Variants in USP2 observed in about 807,000 individuals in gnomAD.
USP2 encodes the protein ubiquitin specific peptidase 2.
USP2 carries 33 observed loss-of-function variants against 72.0 expected under a neutral mutation model. The observed-to-expected ratio is 0.46, with a 90% confidence interval of 0.35 to 0.61. The LOEUF is 0.61. USP2 is among the 20% of genes least tolerant of loss of function. The pLI is 0.01. For synonymous variants in USP2, 296 were observed against 312.5 expected (o/e 0.95, Z 0.56); for missense variants, 691 against 797.8 (o/e 0.87, Z 1.61).
At chr11:119,369,284 T>C (rs1459012153) in intron 2 of USP2, among the ~76,000 whole-genome samples, 6 of 151,102 alleles carry the variant, frequency 4.0e-5, no homozygotes, top group African/African-American at 1.5e-4. Context: ...TGGCGCCCCC[T>C]GCCACCCGCC....
chr11:119,371,991 G>T (rs1386680705), intron 2 of USP2, among the ~76,000 whole-genome samples: 1 of 152,192 alleles, frequency 6.6e-6, no homozygotes, highest in Non-Finnish European at 1.5e-5. Flanking sequence ...TGCCCCAAGA[G>T]AGGCGTGTGC....
At chr11:119,358,901 A>G (rs1173143862) in intron 6 of USP2, 64 bp from the exon 7 acceptor site, 3 of 1,596,830 alleles carry the variant, frequency 1.9e-6, no homozygotes, top group East Asian at 2.2e-5. Context: ...GGGTCTGTCA[A>G]TTTTGATCCT....
Position 119,358,829 on chromosome 11 carries a change from T to C in USP2, c.1181A>G (p.Glu394Gly), listed in dbSNP as rs1462815730. 6.2e-7 allele frequency: 1 copy of C among 1,614,090 alleles called. No individual in the cohort carries two copies. Among genetic ancestry groups the C allele is most frequent in the Non-Finnish European group, 8.5e-7 (1 of 1,180,044 alleles). Residue 394 changes from glutamate (E) to glycine (G), a missense_variant, in exon 7 of 13, where the codon GAG (glutamate) becomes GGG (glycine). Glu to Gly is a moderately conservative substitution (Grantham distance 98). Coordinates refer to ENST00000260187, the MANE Select transcript of USP2 (RefSeq NM_004205.5). ...TTTTCTCCACATCTGTCGGCCTTTCTCGTCATCACTGGGAACCAGAGAGAG... is the reference window on the plus strand; with the variant it reads ...TTTTCTCCACATCTGTCGGCCTTTCCCGTCATCACTGGGAACCAGAGAGAG... ...PENLDHLPDD[E>G]KGRQMWRKYL... is the part of the protein sequence containing the mutation.
chr11:119,376,059 C>T (rs558331615), intron 1 of USP2, among the ~76,000 whole-genome samples: 102 of 152,350 alleles, frequency 6.7e-4, no homozygotes, highest in African/African-American at 2.3e-3. Flanking sequence ...AGCTGCCTCT[C>T]GGCTCTGACT....
chr11:119,360,047 C>T (rs1257518733), intron 3 of USP2, 137 bp downstream of exon 3: 1 of 1,100,434 alleles, frequency 9.1e-7, no homozygotes, highest in East Asian at 2.6e-5. Context: ...CTGTGAAACA[C>T]CAGCCAGGAA....
chr11:119,359,304 G>A lies in USP2; in HGVS notation c.988C>T (p.Pro330Ser). 1.9e-6 allele frequency: 3 copies of A among 1,613,986 alleles called. No individual in the cohort carries two copies. The highest frequency in any genetic ancestry group is 1.7e-6 in the Non-Finnish European group (2 of 1,180,028). ...TCAGATGGGCTCACCACATCATTGG[G>A]GGATGAAGTCCATATGGTCTGAATT... ...KLIQTIWTSS[P>S]NDVVSPSEFK... The change falls in exon 5 of 13, where the codon CCC becomes TCC. Residue 330 changes from proline (P) to serine (S), a missense_variant. Physicochemically the swap from Pro to Ser is moderately conservative, Grantham distance 74. Coordinates refer to ENST00000260187, the MANE Select transcript of USP2 (RefSeq NM_004205.5).
At chr11:119,374,344 C>G (rs528865616) in intron 1 of USP2, among the ~76,000 whole-genome samples, 1 of 152,368 alleles carries the variant, frequency 6.6e-6, no homozygotes, top group South Asian at 2.1e-4. Flanking sequence ...GGGCCCCCTA[C>G]AGTCCCAAAT....
chr11:119,360,346 A>G, intron 2 of USP2, 112 bp from the exon 3 acceptor site: 1 of 1,068,432 alleles, frequency 9.4e-7, no homozygotes, highest in Non-Finnish European at 1.4e-6. Flanking sequence ...GGCCACACAT[A>G]ATATTCTTTC....
rs200712490 is a variant in USP2, at chr11:119,373,168, T to C, written c.313A>G (p.Ser105Gly). 1 of 1,614,148 alleles carries C rather than the reference T, an allele frequency of 6.2e-7. No homozygotes were observed. Among genetic ancestry groups the C allele is most frequent in the Non-Finnish European group, 8.5e-7 (1 of 1,180,032 alleles). ...AATCCGCTGCCCCCGCTGAGGCCAC[T>C]GCCTAAAGGCCGCTCAGTACCCCGG... The part of the protein sequence containing the change: ...QTRGTERPLG[S>G]GLSGGSGFPY... The change falls in exon 2 of 13, where the codon AGT becomes GGT. Residue 105 changes from serine (S) to glycine (G), a missense_variant. Transcript: ENST00000260187.
intron 2 of USP2, among the ~76,000 whole-genome samples, chr11:119,364,493 C>T (rs1039744287): frequency 6.6e-6 from 1 of 152,184 alleles, no homozygotes; most frequent in Non-Finnish European, 1.5e-5. Flanking sequence ...TCTTTGGGGC[C>T]CGCAGAGGAC....
chr11:119,365,893 G>T (rs58651040), intron 2 of USP2, among the ~76,000 whole-genome samples: 2,081 of 131,338 alleles, frequency 0.016, 62 homozygotes, highest in African/African-American at 0.054. Flanking sequence ...TATTTTATTT[G>T]TTTTGTTTTT....
At chr11:119,364,609 T>C (rs1477050864) in intron 2 of USP2, among the ~76,000 whole-genome samples, 1 of 152,214 alleles carries the variant, frequency 6.6e-6, no homozygotes, top group Non-Finnish European at 1.5e-5. Context: ...TGATGAAAGC[T>C]CTTCTCTCTT....
Position 119,373,522 on chromosome 11 carries a change from C to T in USP2, c.-41-1G>A. The T allele has an allele frequency of 6.5e-7, 1 of 1,528,346 alleles. No homozygotes were observed. Among genetic ancestry groups the T allele is most frequent in the Non-Finnish European group, 8.7e-7 (1 of 1,145,290 alleles). The allele number at this position is 1,528,346 out of a possible 1,614,324, so 94.7% of individuals were successfully genotyped here. On this transcript the variant is annotated splice_acceptor_variant, in intron 1 of 12. Coordinates refer to ENST00000260187, the MANE Select transcript of USP2 (RefSeq NM_004205.5). LOFTEE classifies it low-confidence loss of function (5UTR_SPLICE). ...CAGTGGGGACTGGGAGCCTCATGGG[C>T]TGAAAGACAAGGAGTGTAGTTGTCA...
chr11:119,358,682 C>G lies in USP2; in HGVS notation c.1237+91G>C, dbSNP rs1051399758. The G allele has an allele frequency of 2.7e-6, 4 of 1,470,236 alleles. No homozygotes were observed. In the Admixed American group the frequency reaches 6.7e-5, roughly 25 times the overall value. The allele number at this position is 1,470,236 out of a possible 1,614,324, so 91.1% of individuals were successfully genotyped here. On this transcript the variant is annotated intron_variant, in intron 7 of 12. Coordinates refer to ENST00000260187, the MANE Select transcript of USP2 (RefSeq NM_004205.5). ...TGAACACTAGGCAGAAACAGGCTTC[C>G]CCGGGAGAGTGATTCTTAGGGCTTT...
At chr11:119,357,360 C>T (rs1950683916) in intron 11 of USP2, 53 bp from the exon 12 acceptor site, 9 of 1,610,682 alleles carry the variant, frequency 5.6e-6, no homozygotes, top group Admixed American at 1.7e-5. Context: ...CCGACTTCCC[C>T]CCTCCAACCT....
chr11:119,373,643 G>T, intron 1 of USP2, 122 bp from the exon 2 acceptor site: 1 of 996,516 alleles, frequency 1.0e-6, no homozygotes, highest in Non-Finnish European at 1.4e-6. Context: ...ACAAGAGGCA[G>T]GCTGGCTGCT....
At position 119,358,831 on chromosome 11, in the gene USP2, G is replaced by A. The variant is rs757870112; in HGVS notation, c.1179C>T (p.Asp393=). ...TTCTCCACATCTGTCGGCCTTTCTC[G>A]TCATCACTGGGAACCAGAGAGAGAC... ...NPENLDHLPD[D]EKGRQMWRKY... The change falls in exon 7 of 13, where the codon GAC becomes GAT. Residue 393 remains aspartate (D), a synonymous_variant. Coordinates refer to ENST00000260187, the MANE Select transcript of USP2 (RefSeq NM_004205.5). 1.3e-5 allele frequency: 21 copies of A among 1,613,870 alleles called. No individual in the cohort carries two copies. The highest frequency in any genetic ancestry group is 1.6e-4 in the Middle Eastern group (1 of 6,082).
In USP2 at chr11:119,381,163, T is replaced by G. The variant is rs370693896; in HGVS notation, c.-42+310A>C. 1.3e-3 allele frequency among the ~76,000 whole-genome samples: 190 copies of G among 150,046 alleles called. 3 individuals are homozygous for G. The highest frequency in any genetic ancestry group is 6.8e-3 in the Middle Eastern group (2 of 294). On this transcript the variant is annotated intron_variant, in intron 1 of 12. Coordinates refer to ENST00000260187, the MANE Select transcript of USP2 (RefSeq NM_004205.5). ...GCTGCACGCACACGTGGGGAGGGGG[T>G]TTGTCAGTGTCGCTCAGGCCACATA...
At chr11:119,370,859 G>C (rs557083310) in intron 2 of USP2, among the ~76,000 whole-genome samples, 3 of 152,216 alleles carry the variant, frequency 2.0e-5, no homozygotes, top group Admixed American at 1.3e-4. Flanking sequence ...CTGGAGCCGG[G>C]GGGAGGAGCC....
Sources: gnomAD v4.1 joint callset for allele counts (sites outside exome capture counted in the v4.1 genomes callset) on GRCh38, gnomAD v4.1.1 for gene constraint, MANE v1.5 for transcripts, NCBI Gene and HGNC (gene_info 2026-07-23, HGNC 2026-07-21) for gene names.